The following KIT variants were observed in gnomAD, a reference collection of about 807,000 sequenced individuals.
KIT encodes the protein mast/stem cell growth factor receptor Kit.
A neutral mutation model predicts 105.7 loss-of-function variants in KIT; 16 were observed. The observed-to-expected ratio is 0.15, with a 90% CI of 0.10 to 0.23. The LOEUF (loss-of-function observed/expected upper bound fraction) is 0.23, where lower values mean the gene tolerates loss of function less well. Ranked by LOEUF, KIT falls within the 10% of genes least tolerant of loss-of-function variation. KIT has a pLI of 1.00. For missense variants in KIT, 858 were observed against 1,213.8 expected (o/e 0.71, Z 4.36); for synonymous variants, 438 against 441.1 (o/e 0.99, Z 0.09).
At chr4:54,708,513 C>T (rs1045723643) in intron 6 of KIT, among the ~76,000 whole-genome samples, 3 of 152,106 alleles carry the variant, frequency 2.0e-5, no homozygotes, top group Middle Eastern at 6.3e-3. Context: ...CCTGGCTGCA[C>T]GGTCAACGTC....
Position 54,737,291 on chromosome 4 carries a change from C to T in KIT, c.2802+11C>T. On this transcript the variant is annotated intron_variant, in intron 20 of 20. Coordinates refer to ENST00000288135, the MANE Select transcript of KIT (RefSeq NM_000222.3). The stretch of plus-strand genomic sequence containing the variant: ...GAGAGCACCAATCATGTGAGTATAC[C>T]CTGGCCAGGCATAGAATCCCCCTTC... The T allele has an allele frequency of 6.5e-7, 1 of 1,546,732 alleles. No homozygotes were observed. Among genetic ancestry groups the T allele is most frequent in the Non-Finnish European group, 8.9e-7 (1 of 1,118,622 alleles).
At chr4:54,695,094 C>T (rs1276391318) in intron 1 of KIT, among the ~76,000 whole-genome samples, 1 of 152,222 alleles carries the variant, frequency 6.6e-6, no homozygotes, top group African/African-American at 2.4e-5. Flanking sequence ...CATGTATATT[C>T]TGCCAAAGAG....
intron 1 of KIT, among the ~76,000 whole-genome samples, chr4:54,680,980 T>C (rs1334773151): frequency 6.6e-6 from 1 of 152,134 alleles, no homozygotes; most frequent in East Asian, 1.9e-4. Flanking sequence ...GCACCAGGGC[T>C]CCCTTTTGTA....
intron 4 of KIT, among the ~76,000 whole-genome samples, chr4:54,702,530 T>C (rs1720521008): frequency 6.6e-6 from 1 of 152,118 alleles, no homozygotes; most frequent in African/African-American, 2.4e-5. Context: ...TCATATTTTT[T>C]CTCTTTTCCC....
intron 7 of KIT, among the ~76,000 whole-genome samples, chr4:54,709,993 T>C (rs1444847570): frequency 6.6e-6 from 1 of 152,210 alleles, no homozygotes; most frequent in Non-Finnish European, 1.5e-5. Flanking sequence ...GTTCTTCCAC[T>C]GAGACAAATG....
rs140912933 is a variant in KIT, at chr4:54,731,998, T to C, written c.2361T>C (p.Asn787=). 584 of 1,613,292 alleles carry C rather than the reference T, an allele frequency of 3.6e-4. 3 individuals are homozygous for C. The African/African-American group carries it at 7.0e-3, about 19-fold the overall frequency. ...GCATGGCTTTCCTCGCCTCCAAGAA[T>C]GTAAGTGGGAGTGATTCTCTAAAGA... ...AKGMAFLASK[N]CIHRDLAARN... is the part of the protein sequence containing the mutation. Residue 787 remains asparagine, a splice_region_variant and synonymous_variant, in exon 16 of 21, where the codon AAT becomes AAC. Transcript: ENST00000288135.
At chr4:54,714,225 GCTTTC>G (rs1721326346) in intron 7 of KIT, among the ~76,000 whole-genome samples, 1 of 152,086 alleles carries the variant, frequency 6.6e-6, no homozygotes, top group Admixed American at 6.6e-5. Flanking sequence ...ACCTCAAAGT[GCTTTC>G]TTAATAGACA....
chr4:54,690,061 G>A (rs375640034), intron 1 of KIT, among the ~76,000 whole-genome samples: 21 of 137,508 alleles, frequency 1.5e-4, no homozygotes, highest in African/African-American at 2.5e-4. Flanking sequence ...TTTTTTGTGG[G>A]GGGGGGGGGC....
chr4:54,737,368 C>T (rs1722983906), intron 20 of KIT, 88 bp downstream of exon 20: 10 of 861,380 alleles, frequency 1.2e-5, no homozygotes, highest in South Asian at 6.7e-5. Flanking sequence ...GAGGACTAAC[C>T]TCCCAACCCC....
chr4:54,704,335 C>T lies in KIT; in HGVS notation c.925+443C>T, dbSNP rs572032386. On this transcript the variant is annotated intron_variant, in intron 5 of 20. Coordinates refer to ENST00000288135, the MANE Select transcript of KIT (RefSeq NM_000222.3). ...GTTTTGCCACTCATCAGATCTAGTTCCTTCTAGTAAGGACTGAATTGGACT... is the reference window on the plus strand; with the variant it reads ...GTTTTGCCACTCATCAGATCTAGTTTCTTCTAGTAAGGACTGAATTGGACT... Among the ~76,000 whole-genome samples, 17 of 152,288 alleles carry T rather than the reference C, an allele frequency of 1.1e-4. No individual in the cohort carries two copies. In the South Asian group the frequency reaches 2.9e-3, roughly 26 times the overall value.
At chr4:54,732,871 A>G (rs1006150930) in intron 16 of KIT, among the ~76,000 whole-genome samples, 199 bp from the exon 17 acceptor site, 4 of 152,226 alleles carry the variant, frequency 2.6e-5, no homozygotes, top group Admixed American at 6.5e-5. Context: ...AAAAGAGATT[A>G]TAATAATTAG....
intron 1 of KIT, among the ~76,000 whole-genome samples, chr4:54,686,162 T>C (rs1719299382): frequency 6.6e-6 from 1 of 152,160 alleles, no homozygotes; most frequent in South Asian, 2.1e-4. Context: ...GTGATTCCCC[T>C]GTGTCAATTA....
intron 14 of KIT, 125 bp from the exon 15 acceptor site, chr4:54,731,203 A>C: frequency 1.3e-6 from 1 of 744,564 alleles, no homozygotes; most frequent in Non-Finnish European, 2.5e-6. Flanking sequence ...CAAACTTTAC[A>C]TGACTTTCCT....
At chr4:54,670,260 A>G (rs535846160) in intron 1 of KIT, among the ~76,000 whole-genome samples, 1 of 152,346 alleles carries the variant, frequency 6.6e-6, no homozygotes, top group African/African-American at 2.4e-5. Flanking sequence ...GTATCTCTCC[A>G]AGGACTGGAG....
intron 1 of KIT, among the ~76,000 whole-genome samples, chr4:54,671,524 G>A (rs544115621): frequency 2.0e-5 from 3 of 152,254 alleles, no homozygotes; most frequent in African/African-American, 7.2e-5. Flanking sequence ...GAACTCAGCT[G>A]CTTAAATATA....
chr4:54,689,350 T>C (rs2109637293), intron 1 of KIT, among the ~76,000 whole-genome samples: 1 of 152,296 alleles, frequency 6.6e-6, no homozygotes, highest in Admixed American at 6.5e-5. Context: ...TGACTCATGG[T>C]GTGAGCAGAA....
At chr4:54,681,803 G>A (rs1718939783) in intron 1 of KIT, among the ~76,000 whole-genome samples, 1 of 151,966 alleles carries the variant, frequency 6.6e-6, no homozygotes, top group African/African-American at 2.4e-5. Flanking sequence ...ACTTTGAGAG[G>A]CCAAGTCGGG....
At chr4:54,688,475 C>G (rs1435861920) in intron 1 of KIT, among the ~76,000 whole-genome samples, 1 of 151,490 alleles carries the variant, frequency 6.6e-6, no homozygotes, top group Non-Finnish European at 1.5e-5. Flanking sequence ...TTGTCTAGTT[C>G]CTTATATTTG....
At chr4:54,687,796 C>T (rs1472419094) in intron 1 of KIT, among the ~76,000 whole-genome samples, 1 of 152,128 alleles carries the variant, frequency 6.6e-6, no homozygotes, top group African/African-American at 2.4e-5. Context: ...CAAAGTCTTC[C>T]TGGCTCAGCT....
Sources: allele counts gnomAD v4.1 joint callset (sites outside exome capture counted in the v4.1 genomes callset), GRCh38; gene constraint gnomAD v4.1.1; transcripts MANE v1.5; gene names NCBI Gene and HGNC (gene_info 2026-07-23, HGNC 2026-07-21).